TANC2: variants seen among roughly 807,000 people sequenced by gnomAD.
The protein encoded by TANC2 is protein TANC2.
In TANC2, 26 loss-of-function variants were observed where a neutral mutation model predicts 210.5. The ratio of observed to expected loss-of-function variants is 0.12; its 90% CI spans 0.09 to 0.17. The LOEUF is 0.17. TANC2 is among the 10% of genes least tolerant of loss of function. The pLI is 1.00. For synonymous variants in TANC2, 931 were observed against 967.1 expected (o/e 0.96, Z 0.69); for missense variants, 2,129 against 2,608.9 (o/e 0.82, Z 4.01).
chr17:63,379,112 G>A (rs528443260), intron 14 of TANC2, among the ~76,000 whole-genome samples: 1 of 152,258 alleles, frequency 6.6e-6, no homozygotes, highest in South Asian at 2.1e-4. Flanking sequence ...AAGCATGGGT[G>A]GAATGAGAGT....
At chr17:63,034,181 G>A (rs75315481) in intron 2 of TANC2, among the ~76,000 whole-genome samples, 21,142 of 152,206 alleles carry the variant, frequency 0.14, 1,914 homozygotes, top group Middle Eastern at 0.21. Flanking sequence ...TTGAAGGACA[G>A]GCTGACTCTC....
At chr17:63,354,942 A>G (rs754093229) in exon 14 of TANC2, 3 of 1,613,900 alleles carry the variant, frequency 1.9e-6, no homozygotes, top group East Asian at 2.2e-5. Context: ...GGACAATACT[A>G]CATTTGGCAA....
chr17:63,134,623 C>G (rs1375942978), intron 4 of TANC2, among the ~76,000 whole-genome samples: 1 of 152,068 alleles, frequency 6.6e-6, no homozygotes, highest in African/African-American at 2.4e-5. Flanking sequence ...TTAGTCTTAT[C>G]TATATTTTAC....
chr17:63,297,678 C>T (rs1215513128), intron 9 of TANC2, among the ~76,000 whole-genome samples: 1 of 151,976 alleles, frequency 6.6e-6, no homozygotes, highest in African/African-American at 2.4e-5. Flanking sequence ...ACACCAAAAG[C>T]ATGAGGAACA....
intron 24 of TANC2, chr17:63,413,180 C>A: frequency 4.6e-6 from 1 of 215,530 alleles, no homozygotes; most frequent in Non-Finnish European, 9.0e-6. Context: ...AATAAATTAC[C>A]CTTTTTGGAC....
intron 7 of TANC2, among the ~76,000 whole-genome samples, chr17:63,232,782 C>A (rs943616223): frequency 3.9e-5 from 6 of 152,246 alleles, no homozygotes; most frequent in African/African-American, 1.2e-4. Flanking sequence ...GCCCCTTGGG[C>A]AGAGGGGGTG....
intron 4 of TANC2, among the ~76,000 whole-genome samples, chr17:63,108,842 A>G (rs2037925099): frequency 1.3e-5 from 2 of 151,222 alleles, no homozygotes; most frequent in Non-Finnish European, 2.9e-5. Flanking sequence ...AAAATAAAAA[A>G]TTTTAAAAAG....
chr17:63,378,397 GA>G lies in TANC2; in HGVS notation c.2583-1311del, dbSNP rs367900946. ...TGTATCATTAGGATGCTTTGAGCTG[GA>G]AAAAAAAAACAAAATTCCAATTCAA... is the stretch of plus-strand genomic sequence containing the variant. On this transcript the variant is annotated intron_variant, in intron 14 of 27. Transcript: ENST00000689528. 6.1e-3 allele frequency among the ~76,000 whole-genome samples: 881 copies of G among 143,960 alleles called. 6 individuals are homozygous for G. The highest frequency in any genetic ancestry group is 0.02 in the African/African-American group (766 of 39,220). 94.4% of individuals were successfully genotyped at this position (143,960 alleles called of 152,430 possible).
chr17:63,150,517 A>G (rs1001732580), intron 4 of TANC2: 14 of 152,330 alleles, frequency 9.2e-5, no homozygotes, highest in Non-Finnish European at 1.8e-4. Flanking sequence ...ACAAGAATGA[A>G]TGGATTCCAT....
intron 14 of TANC2, among the ~76,000 whole-genome samples, chr17:63,379,033 A>G (rs1363964085): frequency 6.6e-6 from 1 of 152,202 alleles, no homozygotes; most frequent in Non-Finnish European, 1.5e-5. Context: ...GGCTTTGAGG[A>G]TGGATGAGCT....
At chr17:63,351,894 G>A (rs2046621672) in intron 13 of TANC2, among the ~76,000 whole-genome samples, 1 of 151,968 alleles carries the variant, frequency 6.6e-6, no homozygotes, top group South Asian at 2.1e-4. Flanking sequence ...AACAAAAATT[G>A]GCAATATTAG....
intron 2 of TANC2, among the ~76,000 whole-genome samples, chr17:63,035,992 T>C (rs1369524292): frequency 6.6e-6 from 1 of 152,204 alleles, no homozygotes; most frequent in Non-Finnish European, 1.5e-5. Flanking sequence ...GTGTATCCTG[T>C]GTGGTGAAGT....
At chr17:63,228,312 A>G (rs1280552404) in intron 7 of TANC2, among the ~76,000 whole-genome samples, 2 of 152,164 alleles carry the variant, frequency 1.3e-5, no homozygotes, top group East Asian at 1.9e-4. Flanking sequence ...TACTAGTACC[A>G]TGCTGTTTTG....
chr17:63,036,845 GTTTTT>G (rs542320358), intron 2 of TANC2, among the ~76,000 whole-genome samples: 1 of 133,968 alleles, frequency 7.5e-6, no homozygotes, highest in Admixed American at 7.5e-5. Context: ...TTACATGTAA[GTTTTT>G]TTTTTTTTTT....
intron 15 of TANC2, among the ~76,000 whole-genome samples, chr17:63,387,606 T>C (rs1168867571): frequency 1.3e-5 from 2 of 152,234 alleles, no homozygotes; most frequent in East Asian, 1.9e-4. Context: ...ATATCTCTTA[T>C]TACAACCCAA....
intron 4 of TANC2, among the ~76,000 whole-genome samples, chr17:63,134,618 C>T (rs1274349901): frequency 6.6e-6 from 1 of 152,050 alleles, no homozygotes; most frequent in African/African-American, 2.4e-5. Context: ...ATTTTTTAGT[C>T]TTATCTATAT....
chr17:63,241,279 C>G (rs2042766041), intron 8 of TANC2, among the ~76,000 whole-genome samples: 1 of 152,116 alleles, frequency 6.6e-6, no homozygotes, highest in African/African-American at 2.4e-5. Context: ...CTGTAGTTCT[C>G]TTTAATAATG....
intron 7 of TANC2, among the ~76,000 whole-genome samples, chr17:63,222,103 T>G (rs747711241): frequency 6.6e-6 from 1 of 152,212 alleles, no homozygotes; most frequent in Admixed American, 6.5e-5. Context: ...AGATTCAGTG[T>G]CTGGTGAAGG....
rs146791921 is a variant in TANC2 at position 63,007,854 on chromosome 17, A to G, written c.-23-1683A>G. Among the ~76,000 whole-genome samples the G allele has an allele frequency of 4.2e-3, 642 of 152,060 alleles. 5 individuals are homozygous for G. The highest frequency in any genetic ancestry group is 0.01 in the Middle Eastern group (3 of 294). ...CCTATGGCTCTTCCTTTTTGCATGT[A>G]TATGCTTTTTTCTAGTATCATTTTC... On this transcript the variant is annotated intron_variant, in intron 1 of 27. Coordinates refer to ENST00000689528, the Ensembl canonical transcript of TANC2.
Sources: gnomAD v4.1 joint callset for allele counts (sites outside exome capture counted in the v4.1 genomes callset) on GRCh38, gnomAD v4.1.1 for gene constraint, MANE v1.5 for transcripts, NCBI Gene and HGNC (gene_info 2026-07-23, HGNC 2026-07-21) for gene names.